The following RAB28 variants were observed in gnomAD, a reference collection of about 807,000 sequenced individuals.
RAB28 encodes the protein ras-related protein Rab-28.
RAB28 carries 24 observed loss-of-function variants against 31.7 expected under a neutral mutation model. The observed-to-expected ratio is 0.76, with a 90% CI of 0.55 to 1.06. The LOEUF (loss-of-function observed/expected upper bound fraction) is 1.06, where lower values mean the gene tolerates loss of function less well. Among genes scored for constraint, RAB28 ranks in the 50% least tolerant of loss-of-function variants. RAB28 has a pLI of 0.00. For missense variants in RAB28, 254 were observed against 258.5 expected (o/e 0.98, Z 0.12); for synonymous variants, 100 against 90.4 (o/e 1.11, Z -0.60).
chr4:13,388,636 T>G (rs556374177), intron 4 of RAB28, among the ~76,000 whole-genome samples: 18 of 152,160 alleles, frequency 1.2e-4, no homozygotes, highest in African/African-American at 4.3e-4. Flanking sequence ...AAAATGTTAA[T>G]ATCTAGAATA....
At chr4:13,481,713 A>G in intron 1 of RAB28, among the ~76,000 whole-genome samples, 1 of 152,146 alleles carries the variant, frequency 6.6e-6, no homozygotes, top group East Asian at 1.9e-4. Context: ...GAAACACGTG[A>G]TACTGGAAGG....
intron 4 of RAB28, 117 bp downstream of exon 4, chr4:13,460,582 C>A: frequency 7.7e-7 from 1 of 1,301,496 alleles, no homozygotes; most frequent in Non-Finnish European, 1.1e-6. Context: ...CTCCAGACAC[C>A]ATCATTTTGG....
intron 4 of RAB28, among the ~76,000 whole-genome samples, chr4:13,421,737 T>C (rs988195160): frequency 3.9e-5 from 6 of 152,186 alleles, no homozygotes; most frequent in African/African-American, 1.4e-4. Flanking sequence ...TTACACCTTA[T>C]ACAAAAATTA....
At chr4:13,449,903 A>T (rs1476975266) in intron 4 of RAB28, among the ~76,000 whole-genome samples, 1 of 151,880 alleles carries the variant, frequency 6.6e-6, no homozygotes, top group Non-Finnish European at 1.5e-5. Flanking sequence ...TCCAACTGAG[A>T]ATGTTAGCTA....
intron 4 of RAB28, among the ~76,000 whole-genome samples, chr4:13,442,569 T>G (rs1262993404): frequency 6.6e-6 from 1 of 151,982 alleles, no homozygotes; most frequent in Admixed American, 6.5e-5. Flanking sequence ...TCATTATTTA[T>G]GTATTTCATA....
chr4:13,420,708 C>T (rs542311875), intron 4 of RAB28, among the ~76,000 whole-genome samples: 2 of 152,186 alleles, frequency 1.3e-5, no homozygotes, highest in East Asian at 3.9e-4. Flanking sequence ...ATTCAACAGC[C>T]CATGATGCTA....
intron 1 of RAB28, 54 bp downstream of exon 1, chr4:13,484,022 G>A (rs1426559085): frequency 8.6e-6 from 13 of 1,505,002 alleles, no homozygotes; most frequent in South Asian, 3.6e-5. Flanking sequence ...GAGGAGGCCG[G>A]GGACCGCCGG....
At chr4:13,406,673 G>A (rs923998004) in intron 4 of RAB28, among the ~76,000 whole-genome samples, 5 of 152,064 alleles carry the variant, frequency 3.3e-5, no homozygotes, top group Middle Eastern at 3.2e-3. Context: ...GTTGTTTCCT[G>A]ACTTTTTAAA....
chr4:13,456,707 G>A (rs572202277), intron 4 of RAB28, among the ~76,000 whole-genome samples: 17 of 151,976 alleles, frequency 1.1e-4, no homozygotes, highest in Non-Finnish European at 2.1e-4. Context: ...AATAGAACAC[G>A]GAATAATTCA....
chr4:13,370,636 A>G lies in RAB28; in HGVS notation c.574-1986T>C, dbSNP rs1309992354. Reference sequence around the variant, plus strand: ...CAGAGGAAGGCATATGCCATTTACAATTTTTATATTTAATACTATTTATTA... The same window carrying G: ...CAGAGGAAGGCATATGCCATTTACAGTTTTTATATTTAATACTATTTATTA... On this transcript the variant is annotated intron_variant, in intron 6 of 6. Coordinates refer to ENST00000330852, the MANE Select transcript of RAB28 (RefSeq NM_001017979.3). The G allele has an allele frequency of 6.1e-6, 6 of 984,518 alleles. No individual in the cohort carries two copies. The Admixed American group carries it at 2.5e-4, about 40-fold the overall frequency. 61.0% of individuals were successfully genotyped at this position (984,518 alleles called of 1,614,324 possible).
intron 4 of RAB28, among the ~76,000 whole-genome samples, chr4:13,409,353 T>C (rs1712291846): frequency 1.3e-5 from 2 of 152,226 alleles, no homozygotes; most frequent in Non-Finnish European, 2.9e-5. Flanking sequence ...TCCATCATAA[T>C]ACATTATATG....
At chr4:13,439,655 C>A (rs1416330890) in intron 4 of RAB28, among the ~76,000 whole-genome samples, 1 of 152,232 alleles carries the variant, frequency 6.6e-6, no homozygotes, top group Non-Finnish European at 1.5e-5. Context: ...GTCATGTTAA[C>A]TTATACCTAT....
chr4:13,410,305 G>A (rs1712361296), intron 4 of RAB28, among the ~76,000 whole-genome samples: 1 of 152,108 alleles, frequency 6.6e-6, no homozygotes, highest in African/African-American at 2.4e-5. Context: ...GGATAGAGCA[G>A]TAAAATCCCC....
chr4:13,387,863 G>C (rs570903827), intron 4 of RAB28, among the ~76,000 whole-genome samples: 1 of 152,104 alleles, frequency 6.6e-6, no homozygotes, highest in Non-Finnish European at 1.5e-5. Context: ...TGCTTCTAAA[G>C]ACATTGTCCA....
chr4:13,443,242 C>A (rs1233263973), intron 4 of RAB28, among the ~76,000 whole-genome samples: 1 of 151,440 alleles, frequency 6.6e-6, no homozygotes, highest in South Asian at 2.1e-4. Context: ...GGCACGATCT[C>A]GGCTCACTGC....
intron 4 of RAB28, chr4:13,460,052 G>A (rs923524969): frequency 6.9e-6 from 3 of 432,986 alleles, no homozygotes; most frequent in Non-Finnish European, 1.2e-5. Context: ...CACACTCTTA[G>A]GAATTTTCTA....
intron 3 of RAB28, among the ~76,000 whole-genome samples, chr4:13,464,039 C>G (rs1715724534): frequency 6.6e-6 from 1 of 151,972 alleles, no homozygotes; most frequent in African/African-American, 2.4e-5. Flanking sequence ...CAAACAAATC[C>G]AAAAAGTTAC....
intron 4 of RAB28, among the ~76,000 whole-genome samples, chr4:13,413,166 C>G (rs956366226): frequency 3.9e-5 from 6 of 152,122 alleles, no homozygotes; most frequent in Non-Finnish European, 8.8e-5. Flanking sequence ...TGTTATCCAT[C>G]AATCTCTCCA....
In RAB28 at chr4:13,407,495, T is replaced by C. The variant is rs1016904892; in HGVS notation, c.392-25901A>G. Among the ~76,000 whole-genome samples the C allele has an allele frequency of 1.8e-4, 27 of 152,226 alleles. 1 individual carries two copies. Among genetic ancestry groups the C allele is most frequent in the Admixed American group, 1.6e-3 (24 of 15,274 alleles). On this transcript the variant is annotated intron_variant, in intron 4 of 6. Coordinates refer to ENST00000330852, the MANE Select transcript of RAB28 (RefSeq NM_001017979.3). ...GGATTGTCTTGCCTATATGGGCTCT[T>C]TTTTGGTTCTGTATGAACTTTAAAG...
Sources: allele counts gnomAD v4.1 joint callset (sites outside exome capture counted in the v4.1 genomes callset), GRCh38; gene constraint gnomAD v4.1.1; transcripts MANE v1.5; gene names NCBI Gene and HGNC (gene_info 2026-07-23, HGNC 2026-07-21).